PTPN9: variants seen among roughly 807,000 people sequenced by gnomAD.
PTPN9 encodes the protein tyrosine-protein phosphatase non-receptor type 9.
PTPN9 carries 26 observed loss-of-function variants against 69.8 expected under a neutral mutation model. The ratio of observed to expected loss-of-function variants is 0.37; its 90% CI spans 0.27 to 0.52. PTPN9 has a LOEUF of 0.52. Ranked by LOEUF, PTPN9 falls within the 20% of genes least tolerant of loss-of-function variation. The pLI is 0.91. For synonymous variants in PTPN9, 274 were observed against 272.5 expected (o/e 1.01, Z -0.05); for missense variants, 549 against 740.3 (o/e 0.74, Z 3.00).
intron 6 of PTPN9, among the ~76,000 whole-genome samples, chr15:75,507,997 G>C (rs1460646550): frequency 7.0e-6 from 1 of 143,052 alleles, no homozygotes; most frequent in Non-Finnish European, 1.5e-5. Context: ...AGCCAAGATC[G>C]TGCCACTGCA....
chr15:75,555,498 T>C (rs2075073038), intron 1 of PTPN9, among the ~76,000 whole-genome samples: 1 of 150,826 alleles, frequency 6.6e-6, no homozygotes, highest in African/African-American at 2.4e-5. Flanking sequence ...ACTTTTCATT[T>C]TATTATTATT....
intron 5 of PTPN9, 121 bp downstream of exon 5, chr15:75,517,138 C>G (rs755479417): frequency 9.0e-6 from 6 of 665,006 alleles, no homozygotes; most frequent in Non-Finnish European, 1.5e-5. Context: ...TTACAGATGA[C>G]CTTTACATTG....
intron 8 of PTPN9, among the ~76,000 whole-genome samples, chr15:75,485,354 CTTTTTTTT>C (rs891447336): frequency 2.5e-5 from 2 of 78,752 alleles, no homozygotes; most frequent in Admixed American, 1.8e-4. Context: ...ATTGTCACTT[CTTTTTTTT>C]TTTTTTTTTT....
At chr15:75,521,920 G>C (rs193200889) in intron 4 of PTPN9, among the ~76,000 whole-genome samples, 371 of 152,244 alleles carry the variant, frequency 2.4e-3, no homozygotes, top group African/African-American at 8.5e-3. Context: ...GCCCAGGGCT[G>C]GTCTCAAACT....
At chr15:75,511,480 A>G (rs754664356) in intron 5 of PTPN9, among the ~76,000 whole-genome samples, 1 of 152,174 alleles carries the variant, frequency 6.6e-6, no homozygotes, top group Non-Finnish European at 1.5e-5. Flanking sequence ...TACTGGGTTC[A>G]AGCAATCTGC....
At chr15:75,572,327 T>A (rs907625050) in intron 1 of PTPN9, among the ~76,000 whole-genome samples, 1 of 151,854 alleles carries the variant, frequency 6.6e-6, no homozygotes, top group Admixed American at 6.6e-5. Context: ...CAAGACTCCG[T>A]CTCAAAACAC....
intron 8 of PTPN9, among the ~76,000 whole-genome samples, chr15:75,480,257 T>C (rs1207109020): frequency 1.3e-5 from 2 of 152,130 alleles, no homozygotes; most frequent in East Asian, 1.9e-4. Flanking sequence ...TTCACAGATA[T>C]GATACCAAAG....
At position 75,519,081 on chromosome 15, in the gene PTPN9, C is replaced by T. The variant is rs578186771; in HGVS notation, c.423-1717G>A. ...AATTGAGAAAATGTTTGGCACAAAA[C>T]TCATTCCTGAAATCAGGAGTCTCAA... On this transcript the variant is annotated intron_variant, in intron 4 of 12. Coordinates refer to ENST00000618819, the MANE Select transcript of PTPN9 (RefSeq NM_002833.4). Among the ~76,000 whole-genome samples, 3 of 152,292 alleles carry T rather than the reference C, an allele frequency of 2.0e-5. No individual in the cohort carries two copies. The South Asian group carries it at 6.2e-4, about 32-fold the overall frequency.
At chr15:75,494,287 A>C (rs942651538) in intron 7 of PTPN9, among the ~76,000 whole-genome samples, 1 of 152,072 alleles carries the variant, frequency 6.6e-6, no homozygotes, top group East Asian at 1.9e-4. Context: ...GATTAAAAGA[A>C]TCTATCAAGT....
chr15:75,475,471 C>T (rs765387429), intron 9 of PTPN9, among the ~76,000 whole-genome samples: 3 of 151,970 alleles, frequency 2.0e-5, no homozygotes, highest in Non-Finnish European at 2.9e-5. Context: ...CCCAGCTACT[C>T]GGGAGCCTGA....
chr15:75,564,906 A>G (rs1013055088), intron 1 of PTPN9, among the ~76,000 whole-genome samples: 2 of 151,902 alleles, frequency 1.3e-5, no homozygotes, highest in Non-Finnish European at 2.9e-5. Flanking sequence ...GTTCGAGACC[A>G]GCCTGACCAA....
intron 5 of PTPN9, chr15:75,513,281 T>G: frequency 4.4e-6 from 2 of 456,082 alleles, no homozygotes; most frequent in South Asian, 3.1e-5. Context: ...CCTTGGACAT[T>G]TAGGTCCTGA....
chr15:75,530,199 C>CAAAAAAAAAAAAA (rs1171614508), intron 1 of PTPN9, among the ~76,000 whole-genome samples: 2 of 28,192 alleles, frequency 7.1e-5, no homozygotes, highest in Non-Finnish European at 1.4e-4. Context: ...GACTCCATCT[C>CAAAAAAAAAAAAA]AAAAAAAAAA....
rs141631744 is a variant in PTPN9 at position 75,549,380 on chromosome 15, T to C, written c.64-22119A>G. On this transcript the variant is annotated intron_variant, in intron 1 of 12. Transcript: ENST00000618819. ...CACACTTGGCTAATTTCTGTATTTT[T>C]TGTAGAGACGAGGTTTCACCATGTT... is the stretch of plus-strand genomic sequence containing the variant. Among the ~76,000 whole-genome samples, 231 of 152,002 alleles carry C rather than the reference T, an allele frequency of 1.5e-3. 6 individuals carry two copies. Among genetic ancestry groups the C allele is most frequent in the Middle Eastern group, 6.8e-3 (2 of 292 alleles).
Position 75,468,923 on chromosome 15 carries a change from A to C in PTPN9, c.1628T>G (p.Val543Gly). 1.2e-6 allele frequency: 2 copies of C among 1,614,160 alleles called. No homozygotes were observed. Among genetic ancestry groups the C allele is most frequent in the Non-Finnish European group, 1.7e-6 (2 of 1,179,988 alleles). ...CCTCATGCGTGACACCGTCTGGAAC[A>C]CATTAAGGGTGCCAAGCTCCTCCAG... The part of the protein sequence containing the change: ...AQLEELGTLN[V>G]FQTVSRMRTQ... The change falls in exon 13 of 13, where the codon GTG becomes GGG. Residue 543 changes from valine (V) to glycine (G), a missense_variant. Coordinates refer to ENST00000618819, the MANE Select transcript of PTPN9 (RefSeq NM_002833.4).
In PTPN9 at chr15:75,518,547, G is replaced by T. The variant is rs180839104; in HGVS notation, c.423-1183C>A. Among the ~76,000 whole-genome samples, 282 of 151,996 alleles carry T rather than the reference G, an allele frequency of 1.9e-3. 2 individuals are homozygous for T. The highest frequency in any genetic ancestry group is 6.6e-3 in the African/African-American group (275 of 41,514). The stretch of plus-strand genomic sequence containing the variant: ...TAATAGTAAGCCATGGCTGGGTGTG[G>T]TGGCTCACACCTATAATCCCAGCAC... On this transcript the variant is annotated intron_variant, in intron 4 of 12. Transcript: ENST00000618819.
intron 4 of PTPN9, among the ~76,000 whole-genome samples, chr15:75,521,243 A>T (rs1452638992): frequency 6.7e-6 from 1 of 149,840 alleles, no homozygotes; most frequent in Non-Finnish European, 1.5e-5. Flanking sequence ...CAGGTGATCG[A>T]GACCATCCTG....
At chr15:75,469,236 C>G (rs1313326414) in intron 12 of PTPN9, among the ~76,000 whole-genome samples, 1 of 152,244 alleles carries the variant, frequency 6.6e-6, no homozygotes, top group Non-Finnish European at 1.5e-5. Flanking sequence ...GAAGGTGACA[C>G]AGGGGAACTT....
At chr15:75,494,880 C>T (rs1199518263) in intron 7 of PTPN9, among the ~76,000 whole-genome samples, 3 of 151,766 alleles carry the variant, frequency 2.0e-5, no homozygotes, top group Non-Finnish European at 4.4e-5. Context: ...AAAAATTAGC[C>T]AGGCATGATG....
Sources: gnomAD v4.1 joint callset for allele counts (sites outside exome capture counted in the v4.1 genomes callset) on GRCh38, gnomAD v4.1.1 for gene constraint, MANE v1.5 for transcripts, NCBI Gene and HGNC (gene_info 2026-07-23, HGNC 2026-07-21) for gene names.